Variants in TTC6 observed in about 807,000 individuals in gnomAD.
TTC6 encodes the protein tetratricopeptide repeat domain 6.
Under a neutral mutation model 210.4 loss-of-function variants are expected in TTC6, and 172 were observed. That is an observed-to-expected ratio of 0.82 (90% CI 0.72 to 0.93). The LOEUF is 0.93. TTC6 is among the 40% of genes least tolerant of loss of function. The pLI, the probability that TTC6 is intolerant of heterozygous loss-of-function variation, is 0.00. For missense variants in TTC6, 2,414 were observed against 2,318.1 expected (o/e 1.04, Z -0.85); for synonymous variants, 804 against 819.6 (o/e 0.98, Z 0.32).
At chr14:37,623,961 G>A (rs953830548) in intron 1 of TTC6, among the ~76,000 whole-genome samples, 2 of 152,184 alleles carry the variant, frequency 1.3e-5, no homozygotes, top group Admixed American at 1.3e-4. Flanking sequence ...ATGAGACACG[G>A]TCTTTTTTGA....
At chr14:37,639,278 C>T (rs1340558427) in intron 1 of TTC6, among the ~76,000 whole-genome samples, 1 of 152,144 alleles carries the variant, frequency 6.6e-6, no homozygotes, top group Non-Finnish European at 1.5e-5. Context: ...GAAAAGCAAT[C>T]TGTGTTGTTT....
At chr14:37,773,440 A>G (rs11846354) in intron 14 of TTC6, among the ~76,000 whole-genome samples, 43,383 of 152,006 alleles carry the variant, frequency 0.29, 6,166 homozygotes, top group Middle Eastern at 0.31. Context: ...ATTTTTGTAT[A>G]TACTGTAAGG....
chr14:37,737,803 A>T (rs1027445633), intron 9 of TTC6, 69 bp downstream of exon 11: 6 of 604,430 alleles, frequency 9.9e-6, no homozygotes, highest in East Asian at 3.8e-5. Context: ...TAATCACCTT[A>T]TTTTTTTTTA....
At chr14:37,838,682 A>C (rs1315575955) in intron 29 of TTC6, among the ~76,000 whole-genome samples, 1 of 150,596 alleles carries the variant, frequency 6.6e-6, no homozygotes, top group Non-Finnish European at 1.5e-5. Flanking sequence ...TTTCTTGTTT[A>C]CTTTTTTTAA....
At chr14:37,804,229 CA>C (rs2096113365) in intron 20 of TTC6, among the ~76,000 whole-genome samples, 1 of 152,106 alleles carries the variant, frequency 6.6e-6, no homozygotes, top group Non-Finnish European at 1.5e-5. Context: ...AGGAGGACAG[CA>C]GGACACAATA....
intron 7 of TTC6, among the ~76,000 whole-genome samples, chr14:37,730,015 C>T (rs2095881844): frequency 6.6e-6 from 1 of 152,088 alleles, no homozygotes; most frequent in Non-Finnish European, 1.5e-5. Flanking sequence ...TGGTTGTCCA[C>T]TCCCAATGAC....
chr14:37,724,366 T>C (rs2095867512), intron 6 of TTC6, among the ~76,000 whole-genome samples: 1 of 152,196 alleles, frequency 6.6e-6, no homozygotes, highest in Non-Finnish European at 1.5e-5. Context: ...TAGTTTTATA[T>C]GATTCTTTCT....
chr14:37,749,666 C>T (rs750159557), intron 11 of TTC6, 48 bp from the exon 14 acceptor site: 13 of 1,231,198 alleles, frequency 1.1e-5, no homozygotes, highest in East Asian at 3.0e-5. Context: ...ATAGGATATC[C>T]TCCTTTAACA....
At chr14:37,832,708 A>G (rs866034163) in intron 29 of TTC6, among the ~76,000 whole-genome samples, 3 of 151,748 alleles carry the variant, frequency 2.0e-5, no homozygotes, top group African/African-American at 7.3e-5. Flanking sequence ...ATTTGTTGAG[A>G]CTTGTTTTGT....
intron 3 of TTC6, among the ~76,000 whole-genome samples, chr14:37,684,673 C>G (rs1389794333): frequency 6.6e-6 from 1 of 152,136 alleles, no homozygotes; most frequent in Non-Finnish European, 1.5e-5. Flanking sequence ...CAAGTCTTCT[C>G]CAAGAATCAT....
chr14:37,686,799 A>AG (rs2095794749), intron 3 of TTC6, among the ~76,000 whole-genome samples: 1 of 152,210 alleles, frequency 6.6e-6, no homozygotes, highest in Non-Finnish European at 1.5e-5. Flanking sequence ...TGATTCACTT[A>AG]TCTCCCACTG....
chr14:37,680,790 A>C (rs1415086742), intron 2 of TTC6, among the ~76,000 whole-genome samples: 1 of 152,188 alleles, frequency 6.6e-6, no homozygotes, highest in African/African-American at 2.4e-5. Context: ...ATAGAAACTC[A>C]CATTTACATA....
chr14:37,796,864 T>C, exon 20 of TTC6: 1 of 1,611,772 alleles, frequency 6.2e-7, no homozygotes, highest in South Asian at 1.1e-5. Context: ...CATTGAGGTC[T>C]TGGACGGAAT....
At chr14:37,792,355 A>G in exon 17 of TTC6, 5 of 1,532,986 alleles carry the variant, frequency 3.3e-6, no homozygotes, top group Non-Finnish European at 4.4e-6. Flanking sequence ...TTCTGAGGCT[A>G]TTAGAATTGA....
intron 24 of TTC6, among the ~76,000 whole-genome samples, chr14:37,811,584 C>A (rs1474516973): frequency 6.6e-6 from 1 of 152,100 alleles, no homozygotes; most frequent in Non-Finnish European, 1.5e-5. Context: ...TCAGCTCCAA[C>A]CCAAGTTTAG....
intron 20 of TTC6, among the ~76,000 whole-genome samples, chr14:37,799,346 C>G (rs187482740): frequency 1.9e-4 from 29 of 151,466 alleles, no homozygotes; most frequent in Admixed American, 1.9e-3. Flanking sequence ...TTTCTCTTTA[C>G]TCTGGCACAA....
intron 7 of TTC6, among the ~76,000 whole-genome samples, chr14:37,730,927 A>G (rs1209480091): frequency 6.6e-6 from 1 of 152,184 alleles, no homozygotes; most frequent in Non-Finnish European, 1.5e-5. Context: ...TCTATGTGTG[A>G]GCCACTGTTC....
At chr14:37,827,172 A>T in intron 28 of TTC6, 24 bp from the exon 31 acceptor site, 1 of 1,580,702 alleles carries the variant, frequency 6.3e-7, no homozygotes. Context: ...CCCAATGTTA[A>T]ATAATCATAA....
intron 29 of TTC6, among the ~76,000 whole-genome samples, chr14:37,832,991 G>T (rs2096189476): frequency 6.6e-6 from 1 of 151,410 alleles, no homozygotes; most frequent in Non-Finnish European, 1.5e-5. Flanking sequence ...CTGGGAGGCG[G>T]AGGTTGCAGT....
Sources: gnomAD v4.1 joint callset for allele counts (sites outside exome capture counted in the v4.1 genomes callset) on GRCh38, gnomAD v4.1.1 for gene constraint, MANE v1.5 for transcripts, NCBI Gene and HGNC (gene_info 2026-07-23, HGNC 2026-07-21) for gene names.